CDC42BPA: variants seen among roughly 807,000 people sequenced by gnomAD.
CDC42BPA encodes the protein CDC42 binding protein kinase alpha.
In CDC42BPA, 80 loss-of-function variants were observed where a neutral mutation model predicts 223.5. The observed-to-expected ratio is 0.36, with a 90% CI of 0.30 to 0.43. CDC42BPA has a LOEUF of 0.43. Ranked by LOEUF, CDC42BPA falls within the 20% of genes least tolerant of loss-of-function variation. CDC42BPA has a pLI of 1.00. For missense variants in CDC42BPA, 1,743 were observed against 2,099.9 expected (o/e 0.83, Z 3.32); for synonymous variants, 694 against 718.6 (o/e 0.97, Z 0.55).
intron 17 of CDC42BPA, among the ~76,000 whole-genome samples, chr1:227,080,441 C>T (rs1680403363): frequency 6.6e-6 from 1 of 152,014 alleles, no homozygotes; most frequent in African/African-American, 2.4e-5. Flanking sequence ...TTTAAAAATG[C>T]CATGTGTGAA....
chr1:227,224,235 C>CA (rs1491090744), intron 2 of CDC42BPA, among the ~76,000 whole-genome samples: 1 of 141,864 alleles, frequency 7.0e-6, no homozygotes, highest in Non-Finnish European at 1.5e-5. Flanking sequence ...ATGTTTCTTC[C>CA]TTTTTTTTTT....
chr1:227,252,137 T>G (rs1208561106), intron 2 of CDC42BPA, among the ~76,000 whole-genome samples: 1 of 151,732 alleles, frequency 6.6e-6, no homozygotes, highest in Admixed American at 6.6e-5. Context: ...AATAGCAAGA[T>G]AAAACCAAAG....
At chr1:227,148,378 G>T (rs945315194) in intron 6 of CDC42BPA, among the ~76,000 whole-genome samples, 2 of 152,052 alleles carry the variant, frequency 1.3e-5, no homozygotes, top group Non-Finnish European at 2.9e-5. Context: ...AAGAATATTA[G>T]CCCTTTACAT....
chr1:227,190,462 C>G (rs1439622625), intron 5 of CDC42BPA, among the ~76,000 whole-genome samples: 2 of 152,180 alleles, frequency 1.3e-5, no homozygotes, highest in African/African-American at 4.8e-5. Context: ...TAGAAATAAA[C>G]TTATTACTCA....
At chr1:227,067,782 A>G (rs549582381) in intron 21 of CDC42BPA, among the ~76,000 whole-genome samples, 6 of 152,160 alleles carry the variant, frequency 3.9e-5, no homozygotes, top group Non-Finnish European at 7.4e-5. Flanking sequence ...TCTTCTGACT[A>G]TAAGTATCCT....
chr1:227,053,913 A>G (rs10495268), intron 21 of CDC42BPA, among the ~76,000 whole-genome samples: 10,550 of 152,226 alleles, frequency 0.069, 560 homozygotes, highest in East Asian at 0.25. Flanking sequence ...CCTAGTTTTC[A>G]TAAGATTATA....
At chr1:227,159,791 G>A (rs1663527072) in intron 6 of CDC42BPA, among the ~76,000 whole-genome samples, 1 of 152,018 alleles carries the variant, frequency 6.6e-6, no homozygotes, top group Non-Finnish European at 1.5e-5. Flanking sequence ...CTCCCAAAGT[G>A]TTGGGATTAC....
At chr1:227,077,761 G>C (rs1185088284) in intron 17 of CDC42BPA, among the ~76,000 whole-genome samples, 1 of 152,006 alleles carries the variant, frequency 6.6e-6, no homozygotes, top group Non-Finnish European at 1.5e-5. Flanking sequence ...TCTTCCCCAA[G>C]GGTGGTTACC....
chr1:227,139,808 T>C (rs1051695637), intron 9 of CDC42BPA, 66 bp from the exon 10 acceptor site: 19 of 1,067,176 alleles, frequency 1.8e-5, no homozygotes, highest in Non-Finnish European at 2.4e-5. Context: ...AACGTTAACA[T>C]TTTTTAAAAA....
chr1:227,059,303 T>G, intron 21 of CDC42BPA: 1 of 1,300,576 alleles, frequency 7.7e-7, no homozygotes, highest in East Asian at 2.5e-5. Context: ...GGTTCCGCAA[T>G]CACAGGCAAA....
At chr1:227,165,457 G>C (rs1420856794) in intron 5 of CDC42BPA, among the ~76,000 whole-genome samples, 1 of 144,984 alleles carries the variant, frequency 6.9e-6, no homozygotes, top group Non-Finnish European at 1.5e-5. Context: ...AATTTTAAGA[G>C]TACTGACAAA....
intron 23 of CDC42BPA, among the ~76,000 whole-genome samples, chr1:227,042,462 AG>A (rs952447008): frequency 3.3e-5 from 5 of 152,268 alleles, no homozygotes; most frequent in Non-Finnish European, 7.4e-5. Context: ...GTTAAATTAT[AG>A]GAGAGGTTGT....
intron 14 of CDC42BPA, among the ~76,000 whole-genome samples, chr1:227,108,997 G>T (rs534387210): frequency 2.6e-5 from 4 of 152,084 alleles, no homozygotes; most frequent in East Asian, 3.9e-4. Flanking sequence ...ATATAGAAAA[G>T]ATACAGTAAA....
chr1:227,207,482 A>G (rs569830193), intron 3 of CDC42BPA, among the ~76,000 whole-genome samples: 1 of 145,780 alleles, frequency 6.9e-6, no homozygotes, highest in South Asian at 2.3e-4. Flanking sequence ...GTCATCTAGC[A>G]TTAGGTATAT....
chr1:227,207,800 A>G (rs1284147625), intron 3 of CDC42BPA, among the ~76,000 whole-genome samples: 1 of 126,640 alleles, frequency 7.9e-6, no homozygotes, highest in Non-Finnish European at 1.6e-5. Context: ...AGTCTTTGCT[A>G]TTGTGAATAA....
Position 227,006,990 on chromosome 1 carries a change from A to AACAACC in CDC42BPA, c.4858-1880_4858-1879insGGTTGT, listed in dbSNP as rs1553294122. Among the ~76,000 whole-genome samples the AACAACC allele has an allele frequency of 1.7e-4, 24 of 141,270 alleles. No individual in the cohort carries two copies. In the East Asian group the frequency reaches 1.8e-3, roughly 11 times the overall value. 92.7% of individuals were successfully genotyped at this position (141,270 alleles called of 152,430 possible). A position where few individuals can be genotyped will look rare whatever the true frequency, so the allele number is the denominator to read the frequency against. On this transcript the variant is annotated intron_variant, in intron 34 of 36. Transcript: ENST00000366766. ...CAACAACAACAACAACAACAACAAC[A>AACAACC]ACCCCCCAGCAATTCTGCTTGGTGG...
intron 4 of CDC42BPA, among the ~76,000 whole-genome samples, chr1:227,195,963 A>T (rs6426586): frequency 2.0e-5 from 3 of 151,908 alleles, no homozygotes; most frequent in African/African-American, 4.8e-5. Flanking sequence ...TTCACATAAG[A>T]GGGAACACAA....
chr1:227,203,248 G>C (rs1418068914), intron 3 of CDC42BPA, among the ~76,000 whole-genome samples: 2 of 152,042 alleles, frequency 1.3e-5, no homozygotes, highest in African/African-American at 4.8e-5. Context: ...TAAAGCACAG[G>C]CTACGTTTTT....
chr1:227,303,610 G>A (rs1476056103), intron 1 of CDC42BPA, among the ~76,000 whole-genome samples: 2 of 152,112 alleles, frequency 1.3e-5, no homozygotes, highest in Non-Finnish European at 2.9e-5. Flanking sequence ...AACTTCCAGA[G>A]GTTCCTAAAG....
Sources: allele counts gnomAD v4.1 joint callset (sites outside exome capture counted in the v4.1 genomes callset), GRCh38; gene constraint gnomAD v4.1.1; transcripts MANE v1.5; gene names NCBI Gene and HGNC (gene_info 2026-07-23, HGNC 2026-07-21).